PHF21A: variants seen among roughly 807,000 people sequenced by gnomAD.
The protein encoded by PHF21A is BHC80a.
Under a neutral mutation model 82.5 loss-of-function variants are expected in PHF21A, and 11 were observed. The ratio of observed to expected loss-of-function variants is 0.13; its 90% CI spans 0.08 to 0.22. The LOEUF is 0.22. Ranked by LOEUF, PHF21A falls within the 10% of genes least tolerant of loss-of-function variation. The pLI is 1.00. For synonymous variants in PHF21A, 297 were observed against 302.8 expected, an observed-to-expected ratio of 0.98 and a Z score of 0.20; for missense variants, 579 against 837.8, an observed-to-expected ratio of 0.69 and a Z score of 3.81.
At chr11:46,079,295 G>A (rs2096762230) in intron 4 of PHF21A, 129 bp from the exon 5 acceptor site, 1 of 575,610 alleles carries the variant, frequency 1.7e-6, no homozygotes, top group Non-Finnish European at 3.1e-6. Context: ...AATCAGAACA[G>A]ACTAAAACCT....
At chr11:46,091,008 T>C (rs967650767) in intron 2 of PHF21A, among the ~76,000 whole-genome samples, 3 of 152,162 alleles carry the variant, frequency 2.0e-5, no homozygotes, top group Non-Finnish European at 2.9e-5. Flanking sequence ...TATAGGATCT[T>C]GATTATTTAT....
At chr11:46,003,266 G>GTTTA (rs1160908184) in intron 6 of PHF21A, among the ~76,000 whole-genome samples, 2 of 145,538 alleles carry the variant, frequency 1.4e-5, no homozygotes, top group African/African-American at 5.3e-5. Context: ...AAAGAGCTTG[G>GTTTA]GTTAAAGGCT....
In PHF21A at chr11:46,022,766, G is replaced by A. The variant is rs183086827; in HGVS notation, c.154-42800C>T. 3.9e-5 allele frequency among the ~76,000 whole-genome samples: 6 copies of A among 152,210 alleles called. No homozygotes were observed. The East Asian group carries it at 5.8e-4, about 15-fold the overall frequency. On this transcript the variant is annotated intron_variant, in intron 6 of 18. Transcript: ENST00000676320. ...ATTACAGGCATGATCCACTGTGCCC[G>A]GCTCATATACTGTTAGTTTCCTTTC... is the stretch of plus-strand genomic sequence containing the variant.
chr11:46,015,979 C>T (rs2137591079), intron 6 of PHF21A, among the ~76,000 whole-genome samples: 1 of 152,268 alleles, frequency 6.6e-6, no homozygotes, highest in African/African-American at 2.4e-5. Context: ...AAAGTAAACA[C>T]ATAAACTGAT....
At chr11:46,109,529 GTAAAA>G (rs1234845185) in intron 1 of PHF21A, among the ~76,000 whole-genome samples, 2 of 148,624 alleles carry the variant, frequency 1.3e-5, no homozygotes, top group Non-Finnish European at 1.5e-5. Context: ...TATATAGTTA[GTAAAA>G]TAAAATTTTT....
At chr11:46,042,661 A>G (rs2096174107) in intron 6 of PHF21A, among the ~76,000 whole-genome samples, 1 of 152,032 alleles carries the variant, frequency 6.6e-6, no homozygotes, top group South Asian at 2.1e-4. Flanking sequence ...CCCCAGTGCA[A>G]CTGTATTATG....
At chr11:46,099,331 G>A (rs1027688186) in intron 1 of PHF21A, among the ~76,000 whole-genome samples, 4 of 152,080 alleles carry the variant, frequency 2.6e-5, no homozygotes, top group East Asian at 1.9e-4. Context: ...CTGCTGCATC[G>A]ATAGCCAAGA....
At chr11:46,105,476 AC>A (rs751988938) in intron 1 of PHF21A, among the ~76,000 whole-genome samples, 1 of 152,032 alleles carries the variant, frequency 6.6e-6, no homozygotes, top group Non-Finnish European at 1.5e-5. Flanking sequence ...CCACACTCAG[AC>A]CCACACTAAC....
At chr11:45,949,568 A>T in intron 12 of PHF21A, 87 bp from the exon 13 acceptor site, 1 of 1,102,424 alleles carries the variant, frequency 9.1e-7, no homozygotes, top group Non-Finnish European at 1.4e-6. Flanking sequence ...TGGTTTTCCC[A>T]TAAGAAATCA....
intron 6 of PHF21A, among the ~76,000 whole-genome samples, chr11:46,023,301 G>A (rs1448831940): frequency 6.6e-6 from 1 of 152,172 alleles, no homozygotes; most frequent in African/African-American, 2.4e-5. Flanking sequence ...AATTACTGAG[G>A]CCCCTTCTAT....
chr11:45,985,106 T>C (rs1184602736), intron 6 of PHF21A, among the ~76,000 whole-genome samples: 1 of 152,178 alleles, frequency 6.6e-6, no homozygotes, highest in Non-Finnish European at 1.5e-5. Context: ...TTTACGCGTA[T>C]GGAAAAACTA....
intron 1 of PHF21A, among the ~76,000 whole-genome samples, chr11:46,093,754 G>C (rs2096955781): frequency 6.6e-6 from 1 of 152,176 alleles, no homozygotes; most frequent in African/African-American, 2.4e-5. Flanking sequence ...CACTTAAGCT[G>C]TCTGTTGAGG....
At chr11:46,087,547 C>A (rs2096870873) in intron 3 of PHF21A, among the ~76,000 whole-genome samples, 1 of 149,104 alleles carries the variant, frequency 6.7e-6, no homozygotes, top group Non-Finnish European at 1.5e-5. Context: ...ATTTGAAATT[C>A]TTTTTCTTTT....
intron 4 of PHF21A, among the ~76,000 whole-genome samples, chr11:46,081,283 T>C (rs1371610197): frequency 1.3e-5 from 2 of 152,194 alleles, no homozygotes; most frequent in Admixed American, 6.5e-5. Context: ...ATCCTAGTCT[T>C]AACCTACAAA....
chr11:46,086,040 G>A (rs1387831862), intron 3 of PHF21A, among the ~76,000 whole-genome samples: 5 of 152,024 alleles, frequency 3.3e-5, no homozygotes, highest in Admixed American at 3.3e-4. Context: ...CATTTTAAAA[G>A]GCAGTATATT....
intron 10 of PHF21A, among the ~76,000 whole-genome samples, chr11:45,955,599 A>C (rs537895576): frequency 6.6e-6 from 1 of 152,350 alleles, no homozygotes; most frequent in African/African-American, 2.4e-5. Flanking sequence ...ATTCCTTTCC[A>C]CTAAAAAATT....
chr11:45,993,900 T>C (rs550340067), intron 6 of PHF21A, among the ~76,000 whole-genome samples: 1 of 152,164 alleles, frequency 6.6e-6, no homozygotes, highest in South Asian at 2.1e-4. Context: ...GAGATGAATT[T>C]CCTAGAAACT....
chr11:46,083,811 G>A (rs889131676), intron 4 of PHF21A, among the ~76,000 whole-genome samples: 1 of 152,162 alleles, frequency 6.6e-6, no homozygotes, highest in African/African-American at 2.4e-5. Flanking sequence ...AGTACATATG[G>A]TAGTTGAGTT....
intron 7 of PHF21A, among the ~76,000 whole-genome samples, chr11:45,979,279 A>G (rs571322508): frequency 1.4e-4 from 21 of 152,202 alleles, no homozygotes; most frequent in African/African-American, 4.8e-4. Context: ...TCAGCCTCCC[A>G]AAGTGCTGGG....
Sources: allele counts gnomAD v4.1 joint callset (sites outside exome capture counted in the v4.1 genomes callset), GRCh38; gene constraint gnomAD v4.1.1; transcripts MANE v1.5; gene names NCBI Gene and HGNC (gene_info 2026-07-23, HGNC 2026-07-21).